Variants in CACNA1H observed in about 807,000 individuals in gnomAD.
CACNA1H encodes calcium voltage-gated channel subunit alpha1 H, also known as voltage-dependent T-type calcium channel subunit alpha-1H.
Under a neutral mutation model 192.5 loss-of-function variants are expected in CACNA1H, and 149 were observed. The ratio of observed to expected loss-of-function variants is 0.77; its 90% CI spans 0.68 to 0.89. The LOEUF (loss-of-function observed/expected upper bound fraction) is 0.89. CACNA1H is among the 40% of genes least tolerant of loss of function. The pLI, the probability that CACNA1H is intolerant of heterozygous loss-of-function variation, is 0.00. For synonymous variants in CACNA1H, 2,202 were observed against 1,475.2 expected (o/e 1.49, Z -11.29); for missense variants, 4,257 against 3,423.5 (o/e 1.24, Z -6.08).
In CACNA1H at chr16:1,204,499, C is replaced by T. The variant is rs760310923; in HGVS notation, c.2451+41C>T. On this transcript the variant is annotated intron_variant, in intron 10 of 34. Transcript: ENST00000348261. The stretch of plus-strand genomic sequence containing the variant: ...GCCACGGGGTGGGCTCCCTGTCAGG[C>T]TTGCAGGGCCTGGGGAGTCTCAGGA... The T allele has an allele frequency of 2.7e-6, 4 of 1,468,698 alleles. No individual in the cohort carries two copies. In the East Asian group the frequency reaches 6.9e-5, roughly 25 times the overall value. 91.0% of individuals were successfully genotyped at this position (1,468,698 alleles called of 1,614,324 possible). A position where few individuals can be genotyped will look rare whatever the true frequency, so the allele number is the denominator to read the frequency against.
Position 1,220,146 on chromosome 16 carries a change from C to T in CACNA1H, c.6214C>T (p.His2072Tyr). 2.0e-6 allele frequency: 3 copies of T among 1,511,078 alleles called. No homozygotes were observed. The highest frequency in any genetic ancestry group is 2.7e-6 in the Non-Finnish European group (3 of 1,131,148). 93.6% of individuals were successfully genotyped at this position (1,511,078 alleles called of 1,614,324 possible). ...GCCCGCCAGCGTCCGCACTCGTAAG[C>T]ATACCTTCGGACAGCGCTGCGTCTC... ...PRPASVRTRK[H>Y]TFGQRCVSSR... Residue 2072 changes from histidine to tyrosine, a missense_variant, in exon 35 of 35, where the codon CAT (histidine) becomes TAT (tyrosine). Transcript: ENST00000348261.
chr16:1,200,689 G>A (rs1364195040), intron 7 of CACNA1H, 27 bp from the exon 8 acceptor site: 1 of 1,566,322 alleles, frequency 6.4e-7, no homozygotes, highest in East Asian at 2.4e-5. Flanking sequence ...GGTCGTGCGG[G>A]CCCAAGTCAA....
chr16:1,154,844 C>T (rs1317557324), intron 2 of CACNA1H, among the ~76,000 whole-genome samples: 1 of 152,102 alleles, frequency 6.6e-6, no homozygotes, highest in East Asian at 1.9e-4. Flanking sequence ...GTCCAGGGGG[C>T]CCCCCAGCAG....
At chr16:1,211,376 TGCGGG>T in intron 22 of CACNA1H, 82 bp downstream of exon 22, 1 of 1,606,814 alleles carries the variant, frequency 6.2e-7, no homozygotes. Context: ...GCAGCGCCGC[TGCGGG>T]ACGGGGAGGG....
chr16:1,176,490 C>T (rs1383761075), intron 2 of CACNA1H, among the ~76,000 whole-genome samples: 3 of 152,212 alleles, frequency 2.0e-5, no homozygotes, highest in Non-Finnish European at 4.4e-5. Flanking sequence ...TGGCAATGAC[C>T]TGTGGCTCGG....
intron 2 of CACNA1H, among the ~76,000 whole-genome samples, chr16:1,174,385 T>A (rs867228317): frequency 6.6e-6 from 1 of 152,286 alleles, no homozygotes; most frequent in East Asian, 1.9e-4. Context: ...AGCATGAATT[T>A]AGCCCATTGC....
rs796638214 is a variant in CACNA1H, at chr16:1,162,639, T to TC, written c.299+8603_299+8604insC. ...GGCCAGCTCCTGCGGACACCTGGAG[T>TC]GGGGGGGGGGGGTCCATCCTAGGAG... On this transcript the variant is annotated intron_variant, in intron 2 of 34. Coordinates refer to ENST00000348261, the MANE Select transcript of CACNA1H (RefSeq NM_021098.3). Among the ~76,000 whole-genome samples the TC allele has an allele frequency of 7.5e-5, 7 of 93,154 alleles. 1 individual carries two copies. The East Asian group carries it at 9.6e-4, about 13-fold the overall frequency. The allele number at this position is 93,154 out of a possible 152,430, so 61.1% of individuals were successfully genotyped here. A position where few individuals can be genotyped will look rare whatever the true frequency, so the allele number is the denominator to read the frequency against.
chr16:1,208,486 C>T (rs1015097335), intron 16 of CACNA1H, among the ~76,000 whole-genome samples: 2 of 152,192 alleles, frequency 1.3e-5, no homozygotes, highest in Admixed American at 6.5e-5. Context: ...ACAGAAAGAC[C>T]GAAGCAAGCA....
chr16:1,210,705 T>TCCCCAC (rs1260307146), intron 20 of CACNA1H, 54 bp downstream of exon 20: 5 of 1,581,414 alleles, frequency 3.2e-6, no homozygotes, highest in South Asian at 2.2e-5. Context: ...TCTGCCCTCA[T>TCCCCAC]CCCCACCCCC....
rs1970487418 is a variant in CACNA1H at position 1,221,636 on chromosome 16, A to AT, written c.*644dup. On this transcript the variant is annotated 3_prime_UTR_variant, in exon 35 of 35. Transcript: ENST00000348261. ...TACATCTGGGGGCGTTGGCCGCGAG[A>AT]TTCCCATTGACACCTTTGTTTCGTG... The AT allele has an allele frequency of 1.2e-6, 1 of 866,782 alleles. No individual in the cohort carries two copies. The highest frequency in any genetic ancestry group is 1.7e-6 in the Non-Finnish European group (1 of 581,692). The allele number at this position is 866,782 out of a possible 1,614,324, so 53.7% of individuals were successfully genotyped here.
intron 2 of CACNA1H, among the ~76,000 whole-genome samples, chr16:1,161,342 G>A (rs142645348): frequency 3.0e-4 from 46 of 152,262 alleles, no homozygotes; most frequent in African/African-American, 1.0e-3. Flanking sequence ...CCGCCAGGCC[G>A]CCCTGTGTTC....
chr16:1,219,609 C>T (rs945194354), intron 34 of CACNA1H, among the ~76,000 whole-genome samples: 2 of 152,232 alleles, frequency 1.3e-5, no homozygotes, highest in Non-Finnish European at 2.9e-5. Context: ...CTACCTCTTG[C>T]TGCCCAGTAC....
intron 2 of CACNA1H, among the ~76,000 whole-genome samples, chr16:1,189,456 A>C (rs1966392524): frequency 1.7e-5 from 2 of 117,938 alleles, no homozygotes; most frequent in African/African-American, 6.4e-5. Context: ...TTGCTCCGTC[A>C]CCCAGCCTGG....
At chr16:1,176,570 T>G (rs949075112) in intron 2 of CACNA1H, among the ~76,000 whole-genome samples, 1 of 152,148 alleles carries the variant, frequency 6.6e-6, no homozygotes, top group African/African-American at 2.4e-5. Flanking sequence ...CTGTGGGGAT[T>G]CCGAGAATGG....
rs3751662 is a variant in CACNA1H, at chr16:1,194,964, G to A, written c.300-8G>A. 2.3e-4 allele frequency: 375 copies of A among 1,604,724 alleles called. 1 individual carries two copies. The East Asian group carries it at 6.6e-3, about 28-fold the overall frequency. On this transcript the variant is annotated splice_region_variant and splice_polypyrimidine_tract_variant and intron_variant, in intron 2 of 34. Transcript: ENST00000348261. ...CGCGCCGGTGTGCTCCTTAACCCGC[G>A]GCGACACATGGTTCGAGCACGTGAG...
At chr16:1,211,672 C>A (rs756900684) in intron 23 of CACNA1H, 44 bp from the exon 24 acceptor site, 2 of 1,611,146 alleles carry the variant, frequency 1.2e-6, no homozygotes, top group Non-Finnish European at 1.7e-6. Flanking sequence ...GGGCCGGCGA[C>A]CCCAGCTCTA....
chr16:1,200,077 C>A (rs1050686440), intron 6 of CACNA1H, among the ~76,000 whole-genome samples, 179 bp from the exon 7 acceptor site: 1 of 152,058 alleles, frequency 6.6e-6, no homozygotes, highest in Admixed American at 6.5e-5. Context: ...GGGTCTTGAC[C>A]CTCAGTCCTA....
At chr16:1,199,725 C>T (rs972549095) in intron 6 of CACNA1H, among the ~76,000 whole-genome samples, 3 of 151,290 alleles carry the variant, frequency 2.0e-5, no homozygotes, top group Non-Finnish European at 4.4e-5. Flanking sequence ...GCCTTCACCC[C>T]AGGGTCCCCT....
intron 2 of CACNA1H, among the ~76,000 whole-genome samples, chr16:1,168,783 C>G (rs945732099): frequency 1.3e-5 from 2 of 152,140 alleles, no homozygotes; most frequent in African/African-American, 2.4e-5. Context: ...CCCAGCCTTG[C>G]CCTCCAGGCC....
Sources: allele counts gnomAD v4.1 joint callset (sites outside exome capture counted in the v4.1 genomes callset), GRCh38; gene constraint gnomAD v4.1.1; transcripts MANE v1.5; gene names NCBI Gene and HGNC (gene_info 2026-07-23, HGNC 2026-07-21).